ZFP82: variants seen among roughly 807,000 people sequenced by gnomAD.
ZFP82 encodes ZFP82 zinc finger protein.
In ZFP82, 30 loss-of-function variants were observed where a neutral mutation model predicts 54.0. The ratio of observed to expected loss-of-function variants is 0.56; its 90% CI spans 0.42 to 0.75. ZFP82 has a LOEUF of 0.75. Ranked by LOEUF, ZFP82 falls within the 30% of genes least tolerant of loss-of-function variation. ZFP82 has a pLI of 0.00. For missense variants in ZFP82, 500 were observed against 636.8 expected (o/e 0.79, Z 2.31); for synonymous variants, 194 against 209.5 (o/e 0.93, Z 0.64).
Position 36,393,490 on chromosome 19 carries a change from A to T in ZFP82, c.850T>A (p.Cys284Ser). 1 of 1,614,092 alleles carries T rather than the reference A, an allele frequency of 6.2e-7. No individual in the cohort carries two copies. The highest frequency in any genetic ancestry group is 8.5e-7 in the Non-Finnish European group (1 of 1,180,024). The change falls in exon 5 of 5, where the codon TGT (cysteine) becomes AGT (serine). Residue 284 changes from cysteine to serine, a missense_variant. By Grantham distance (112) the Cys-to-Ser change is moderately radical. Transcript: ENST00000392161. ...RIHTGEKPYV[C>S]KECGKAFRQY... ...CTAAAGGCTTTTCCACACTCTTTACACACATAGGGTTTCTCACCAGTATGA... is the reference window on the plus strand; with the variant it reads ...CTAAAGGCTTTTCCACACTCTTTACTCACATAGGGTTTCTCACCAGTATGA...
intron 4 of ZFP82, 36 bp downstream of exon 4, chr19:36,405,544 G>C (rs775696547): frequency 6.6e-7 from 1 of 1,511,926 alleles, no homozygotes; most frequent in East Asian, 2.3e-5. Context: ...GGGGTTCCCT[G>C]TGTTGATGGC....
At chr19:36,383,602 T>TTTAA (rs145742555) in exon 2 of ZFP82, 7 of 151,302 alleles carry the variant, frequency 4.6e-5, no homozygotes, top group Admixed American at 4.6e-4. Context: ...AAATAATCAC[T>TTTAA]ATATTTAGAA....
In ZFP82 at chr19:36,388,799, T is replaced by C. The variant is rs57098713; in HGVS notation, c.*3942A>G. On this transcript the variant is annotated 3_prime_UTR_variant, in exon 5 of 5. Coordinates refer to ENST00000392161, the MANE Select transcript of ZFP82 (RefSeq NM_133466.4). ...TGTTATTCACCTTAGTTTTTAAAAATTTCTAGCTTAAGTTAATCCTTATTT... is the reference window on the plus strand; with the variant it reads ...TGTTATTCACCTTAGTTTTTAAAAACTTCTAGCTTAAGTTAATCCTTATTT... 3.4e-3 allele frequency among the ~76,000 whole-genome samples: 525 copies of C among 152,316 alleles called. 4 individuals are homozygous for C. Among genetic ancestry groups the C allele is most frequent in the African/African-American group, 0.012 (506 of 41,578 alleles).
At chr19:36,415,443 A>C (rs1471600175) in intron 1 of ZFP82, among the ~76,000 whole-genome samples, 1 of 151,898 alleles carries the variant, frequency 6.6e-6, no homozygotes, top group East Asian at 1.9e-4. Flanking sequence ...GCTGGAGTGT[A>C]ATGGCAGGAT....
intron 3 of ZFP82, among the ~76,000 whole-genome samples, chr19:36,407,116 G>A (rs1439143506): frequency 1.5e-4 from 18 of 122,868 alleles, no homozygotes; most frequent in East Asian, 2.3e-4. Flanking sequence ...TCGCTCTGTC[G>A]CCCAGGCTGG....
rs778471614 is a variant in ZFP82 at position 36,393,628 on chromosome 19, C to A, written c.712G>T (p.Gly238Cys). The A allele has an allele frequency of 6.2e-7, 1 of 1,613,832 alleles. No individual in the cohort carries two copies. Among genetic ancestry groups the A allele is most frequent in the East Asian group, 2.2e-5 (1 of 44,864 alleles). Residue 238 changes from glycine (G) to cysteine (C), a missense_variant, in exon 5 of 5, where the codon GGT becomes TGT. Gly to Cys is a radical substitution (Grantham distance 159, BLOSUM62 -3). Transcript: ENST00000392161. ...TTCTGATGTACTCTAAGATCTGCACCACATATGAAAGCTTCCCCACATTCC... is the reference window on the plus strand; with the variant it reads ...TTCTGATGTACTCTAAGATCTGCACAACATATGAAAGCTTCCCCACATTCC... ...CKECGEAFIC[G>C]ADLRVHQKMH...
intron 4 of ZFP82, among the ~76,000 whole-genome samples, chr19:36,401,045 C>G (rs2032374559): frequency 6.9e-6 from 1 of 144,264 alleles, no homozygotes; most frequent in African/African-American, 2.6e-5. Flanking sequence ...TATTTTATCT[C>G]AATGGCTGCC....
In ZFP82 at chr19:36,393,365, A is replaced by G; in HGVS notation, c.975T>C (p.Leu325=). ...CGKAFLCGSG[L]RVHHKLHTGE... is the part of the protein sequence containing the mutation. ...CAGTATGAAGTTTGTGATGTACTCT[A>G]AGACCAGAGCCACACAAAAAGGCCT... Residue 325 remains leucine (L), a synonymous_variant, in exon 5 of 5, where the codon CTT becomes CTC. Transcript: ENST00000392161. 1.3e-5 allele frequency: 21 copies of G among 1,614,026 alleles called. No individual in the cohort carries two copies. Among genetic ancestry groups the G allele is most frequent in the Non-Finnish European group, 1.7e-5 (20 of 1,180,014 alleles).
chr19:36,412,661 G>A, intron 1 of ZFP82, among the ~76,000 whole-genome samples: 1 of 152,188 alleles, frequency 6.6e-6, no homozygotes, highest in East Asian at 1.9e-4. Flanking sequence ...GGCCCACCTA[G>A]GAGCTGCTGA....
chr19:36,402,015 T>C (rs542946159), intron 4 of ZFP82, among the ~76,000 whole-genome samples: 14 of 152,168 alleles, frequency 9.2e-5, no homozygotes, highest in Non-Finnish European at 1.5e-4. Context: ...AAAAAATACA[T>C]GGTCTTGTTT....
At chr19:36,409,695 G>A (rs1335434381) in intron 2 of ZFP82, 86 bp downstream of exon 2, 1 of 1,436,004 alleles carries the variant, frequency 7.0e-7, no homozygotes, top group Non-Finnish European at 9.8e-7. Context: ...CTTGGATGGA[G>A]CTCTGATAGT....
At chr19:36,416,479 G>A (rs982434484) in intron 1 of ZFP82, among the ~76,000 whole-genome samples, 13 of 152,142 alleles carry the variant, frequency 8.5e-5, no homozygotes, top group Non-Finnish European at 1.6e-4. Context: ...TTCTATGGCC[G>A]GGCACGGTGG....
chr19:36,407,501 T>C (rs1186785646), intron 3 of ZFP82, among the ~76,000 whole-genome samples: 1 of 152,256 alleles, frequency 6.6e-6, no homozygotes, highest in African/African-American at 2.4e-5. Flanking sequence ...ATAAATCATA[T>C]GTATTATTTT....
At chr19:36,402,059 T>G (rs528910845) in intron 4 of ZFP82, among the ~76,000 whole-genome samples, 9 of 152,380 alleles carry the variant, frequency 5.9e-5, no homozygotes, top group African/African-American at 2.2e-4. Flanking sequence ...AGTTACTATT[T>G]TGGCTAAATG....
At chr19:36,388,373 C>G (rs2032139849), downstream of ZFP82, among the ~76,000 whole-genome samples, 2 of 151,768 alleles carry the variant, frequency 1.3e-5, no homozygotes, top group Non-Finnish European at 2.9e-5. Context: ...GTTATATATT[C>G]TTTAAAGCTT....
At chr19:36,416,394 C>T (rs1219356705) in intron 1 of ZFP82, among the ~76,000 whole-genome samples, 2 of 152,134 alleles carry the variant, frequency 1.3e-5, no homozygotes, top group Non-Finnish European at 2.9e-5. Context: ...AACAATTTTA[C>T]GTACAATTTC....
In ZFP82 at chr19:36,393,908, T is replaced by C; in HGVS notation, c.432A>G (p.Pro144=). 1 of 1,614,204 alleles carries C rather than the reference T, an allele frequency of 6.2e-7. No individual in the cohort carries two copies. Among genetic ancestry groups the C allele is most frequent in the Middle Eastern group, 1.6e-4 (1 of 6,062 alleles). The change falls in exon 5 of 5, where the codon CCA becomes CCG. Residue 144 remains proline, a synonymous_variant. Coordinates refer to ENST00000392161, the MANE Select transcript of ZFP82 (RefSeq NM_133466.4). ...TCTGGTAAGAGGACACCTTTTCAGA[T>C]GGCATTTTCACACTACTGAAGTATC... ...QEGYFSSVKM[P]SEKVSSYQKR...
At chr19:36,394,256 C>T (rs2032258352) in intron 4 of ZFP82, 146 bp from the exon 5 acceptor site, 1 of 742,646 alleles carries the variant, frequency 1.3e-6, no homozygotes, top group Non-Finnish European at 2.1e-6. Context: ...AAAAAAAAGC[C>T]AAAGGGAACA....
rs2032200904 is a variant in ZFP82 at position 36,391,598 on chromosome 19, A to AG, written c.*1142dup. 1 of 151,850 alleles carries AG rather than the reference A, an allele frequency of 6.6e-6. No homozygotes were observed. Among genetic ancestry groups the AG allele is most frequent in the Non-Finnish European group, 1.5e-5 (1 of 68,036 alleles). 9.4% of individuals were successfully genotyped at this position (151,850 alleles called of 1,614,324 possible). A position where few individuals can be genotyped will look rare whatever the true frequency, so the allele number is the denominator to read the frequency against. On this transcript the variant is annotated 3_prime_UTR_variant, in exon 5 of 5. Transcript: ENST00000392161. ...CCTCCCACCTCAGCCTCGAGTAGCT[A>AG]GGACTACAGGCATGCACCATTATGC...
Sources: gnomAD v4.1 joint callset for allele counts (sites outside exome capture counted in the v4.1 genomes callset) on GRCh38, gnomAD v4.1.1 for gene constraint, MANE v1.5 for transcripts, NCBI Gene and HGNC (gene_info 2026-07-23, HGNC 2026-07-21) for gene names.